LAMB1: variants seen among roughly 807,000 people sequenced by gnomAD.
LAMB1 encodes the protein laminin subunit beta-1.
A neutral mutation model predicts 222.3 loss-of-function variants in LAMB1; 121 were observed. That is an observed-to-expected ratio of 0.54 (90% CI 0.47 to 0.63). LAMB1 has a LOEUF of 0.63. Ranked by LOEUF, LAMB1 falls within the 30% of genes least tolerant of loss-of-function variation. The pLI, the probability that LAMB1 is intolerant of heterozygous loss-of-function variation, is 0.00. For synonymous variants in LAMB1, 794 were observed against 807.2 expected (o/e 0.98, Z 0.28); for missense variants, 2,172 against 2,240.8 (o/e 0.97, Z 0.62).
intron 32 of LAMB1, among the ~76,000 whole-genome samples, chr7:107,925,036 T>G (rs551836709): frequency 6.6e-6 from 1 of 152,296 alleles, no homozygotes; most frequent in African/African-American, 2.4e-5. Flanking sequence ...TTGAGAAATT[T>G]GTGTCCTCAG....
At chr7:107,973,941 C>T (rs2033801993) in intron 12 of LAMB1, among the ~76,000 whole-genome samples, 1 of 152,082 alleles carries the variant, frequency 6.6e-6, no homozygotes, top group Non-Finnish European at 1.5e-5. Flanking sequence ...CCATTGTGCC[C>T]AGCCTATTTT....
At chr7:107,946,411 G>A (rs967035648) in intron 24 of LAMB1, among the ~76,000 whole-genome samples, 1 of 152,204 alleles carries the variant, frequency 6.6e-6, no homozygotes, top group Non-Finnish European at 1.5e-5. Flanking sequence ...TAGCACAGGG[G>A]TCATCAAGTT....
chr7:107,993,591 C>G (rs1007202254), intron 5 of LAMB1, among the ~76,000 whole-genome samples: 6 of 152,276 alleles, frequency 3.9e-5, no homozygotes, highest in Non-Finnish European at 7.3e-5. Context: ...TAGATGAACT[C>G]AGAACTATCC....
chr7:107,959,096 T>C (rs1303514276), intron 20 of LAMB1, among the ~76,000 whole-genome samples, 153 bp downstream of exon 20: 2 of 152,210 alleles, frequency 1.3e-5, no homozygotes, highest in African/African-American at 4.8e-5. Flanking sequence ...CAATATGTAC[T>C]GGATAAACAA....
At chr7:107,951,126 G>A (rs189759279) in intron 24 of LAMB1, 100 bp downstream of exon 24, 510 of 803,234 alleles carry the variant, frequency 6.3e-4, no homozygotes, top group Middle Eastern at 2.1e-3. Flanking sequence ...TTATAGACAC[G>A]TTAATTTGTA....
At chr7:107,932,502 C>A in intron 27 of LAMB1, 125 bp from the exon 28 acceptor site, 1 of 839,548 alleles carries the variant, frequency 1.2e-6, no homozygotes, top group Non-Finnish European at 2.0e-6. Context: ...TGCTTGAAAA[C>A]AGTGTTTGGG....
At chr7:107,969,466 G>A (rs541722860) in intron 13 of LAMB1, among the ~76,000 whole-genome samples, 37 of 152,220 alleles carry the variant, frequency 2.4e-4, no homozygotes, top group African/African-American at 8.2e-4. Flanking sequence ...ACAGTGTTCC[G>A]TCAGCACCAT....
chr7:107,995,773 G>C (rs530599082), intron 4 of LAMB1, among the ~76,000 whole-genome samples: 1 of 152,166 alleles, frequency 6.6e-6, no homozygotes, highest in Admixed American at 6.5e-5. Context: ...GGCTTGCCAC[G>C]CTTCTTGTGT....
At chr7:107,930,214 G>A (rs2032671941) in intron 29 of LAMB1, among the ~76,000 whole-genome samples, 1 of 152,054 alleles carries the variant, frequency 6.6e-6, no homozygotes, top group Non-Finnish European at 1.5e-5. Context: ...AAGCCAAGGA[G>A]TTTCAAATGT....
intron 14 of LAMB1, among the ~76,000 whole-genome samples, chr7:107,963,583 T>C (rs2033559389): frequency 6.6e-6 from 1 of 152,226 alleles, no homozygotes; most frequent in Non-Finnish European, 1.5e-5. Flanking sequence ...TGGTTGGTCA[T>C]ATCCAAAAAT....
chr7:108,001,948 C>G, intron 2 of LAMB1: 1 of 1,454,582 alleles, frequency 6.9e-7, no homozygotes, highest in Non-Finnish European at 9.1e-7. Flanking sequence ...GAAACCCACA[C>G]ACGTCATCAG....
At position 107,976,196 on chromosome 7, in the gene LAMB1, C is replaced by T. The variant is rs979259320; in HGVS notation, c.1001-319G>A. On this transcript the variant is annotated intron_variant, in intron 9 of 33. Coordinates refer to ENST00000222399, the MANE Select transcript of LAMB1 (RefSeq NM_002291.3). ...GTATGACAGAGGATGGCTGCCATCC[C>T]ACTGAGGGCGCTTTCTGGTCCACTC... Among the ~76,000 whole-genome samples the T allele has an allele frequency of 3.3e-5, 5 of 152,312 alleles. No individual in the cohort carries two copies. In the East Asian group the frequency reaches 5.8e-4, roughly 18 times the overall value.
Position 107,929,086 on chromosome 7 carries a change from C to T in LAMB1, c.4865G>A (p.Gly1622Glu). The T allele has an allele frequency of 6.2e-7, 1 of 1,613,924 alleles. No homozygotes were observed. The highest frequency in any genetic ancestry group is 1.3e-5 in the African/African-American group (1 of 75,010). ...TACCGAAGTTAACAGGTTCTGGGTT[C>T]CTTGAATGTCTTCATCTGCTTGTTT... ...AIKQADEDIQ[G>E]TQNLLTSIES... is the part of the protein sequence containing the mutation. The change falls in exon 31 of 34, where the codon GGA becomes GAA. Residue 1622 changes from glycine to glutamate, a missense_variant. Gly to Glu is a moderately conservative substitution (Grantham distance 98). Coordinates refer to ENST00000222399, the MANE Select transcript of LAMB1 (RefSeq NM_002291.3).
At chr7:107,981,168 C>A (rs906254468) in intron 7 of LAMB1, among the ~76,000 whole-genome samples, 1 of 152,070 alleles carries the variant, frequency 6.6e-6, no homozygotes, top group Non-Finnish European at 1.5e-5. Flanking sequence ...AAAATTAGAC[C>A]GGGCGCGGTG....
intron 3 of LAMB1, among the ~76,000 whole-genome samples, chr7:108,000,652 T>A (rs1213428211): frequency 1.3e-5 from 2 of 152,210 alleles, no homozygotes; most frequent in Non-Finnish European, 2.9e-5. Context: ...CAAGTGATCC[T>A]CCCACCTCAG....
rs747600531 is a variant in LAMB1 at position 107,929,159 on chromosome 7, C to T, written c.4792G>A (p.Ala1598Thr). Residue 1598 changes from alanine to threonine, a missense_variant, in exon 31 of 34, where the codon GCT (alanine) becomes ACT (threonine). Coordinates refer to ENST00000222399, the MANE Select transcript of LAMB1 (RefSeq NM_002291.3). Reference sequence around the variant, plus strand: ...TGGGCCTTTTCTGCTTCTTCCAGAGCTTCCTTTACCATATCTGCAGTGACT... The same window carrying T: ...TGGGCCTTTTCTGCTTCTTCCAGAGTTTCCTTTACCATATCTGCAGTGACT... ...VKVTADMVKE[A>T]LEEAEKAQVA... 1 of 1,614,018 alleles carries T rather than the reference C, an allele frequency of 6.2e-7. No individual in the cohort carries two copies. The highest frequency in any genetic ancestry group is 8.5e-7 in the Non-Finnish European group (1 of 1,179,972).
intron 3 of LAMB1, among the ~76,000 whole-genome samples, 157 bp from the exon 4 acceptor site, chr7:107,998,649 T>C (rs1314909047): frequency 1.3e-5 from 2 of 152,234 alleles, no homozygotes; most frequent in Non-Finnish European, 2.9e-5. Context: ...TATCACATCT[T>C]TCACTTTTAA....
intron 5 of LAMB1, among the ~76,000 whole-genome samples, chr7:107,988,335 C>G (rs2034118889): frequency 6.6e-6 from 1 of 152,158 alleles, no homozygotes; most frequent in South Asian, 2.1e-4. Context: ...CCATCAGACA[C>G]TTGGAAAAAG....
In LAMB1 at chr7:107,975,069, G is replaced by A. The variant is rs1304496980; in HGVS notation, c.1399C>T (p.Pro467Ser). ...TCGGAATCACAAGGATTCCCTCCAG[G>A]AATTGTTCCCAGAGGATTGCAAGCA... ...SCACNPLGTI[P>S]GGNPCDSETG... Residue 467 changes from proline (P) to serine (S), a missense_variant, in exon 12 of 34, where the codon CCT (proline) becomes TCT (serine). Coordinates refer to ENST00000222399, the MANE Select transcript of LAMB1 (RefSeq NM_002291.3). The A allele has an allele frequency of 6.2e-7, 1 of 1,612,650 alleles. No homozygotes were observed. The highest frequency in any genetic ancestry group is 1.7e-5 in the Admixed American group (1 of 60,028).
Sources: allele counts gnomAD v4.1 joint callset (sites outside exome capture counted in the v4.1 genomes callset), GRCh38; gene constraint gnomAD v4.1.1; transcripts MANE v1.5; gene names NCBI Gene and HGNC (gene_info 2026-07-23, HGNC 2026-07-21).